Variants in PDK1 observed in about 807,000 individuals in gnomAD.
The protein encoded by PDK1 is pyruvate dehydrogenase kinase 1.
Under a neutral mutation model 54.2 loss-of-function variants are expected in PDK1, and 39 were observed. The observed-to-expected ratio is 0.72, with a 90% CI of 0.56 to 0.94. The LOEUF (loss-of-function observed/expected upper bound fraction) is 0.94, where lower values mean the gene tolerates loss of function less well. PDK1 is among the 40% of genes least tolerant of loss of function. PDK1 has a pLI of 0.00. For missense variants in PDK1, 552 were observed against 566.0 expected (o/e 0.98, Z 0.25); for synonymous variants, 221 against 207.1 (o/e 1.07, Z -0.58).
rs2149231452 is a variant in PDK1 at position 172,570,841 on chromosome 2, G to T, written c.945+17G>T. On this transcript the variant is annotated intron_variant, in intron 8 of 10. Transcript: ENST00000282077. ...ACTGTGAAGGTAAATGTGTTTAATG[G>T]TTTGTTTTCTTTTTTTTTTTTTTGT... The T allele has an allele frequency of 1.4e-6, 2 of 1,429,090 alleles. No homozygotes were observed. The highest frequency in any genetic ancestry group is 1.9e-6 in the Non-Finnish European group (2 of 1,029,158). The allele number at this position is 1,429,090 out of a possible 1,614,324, so 88.5% of individuals were successfully genotyped here.
chr2:172,624,540 GA>G, the PDK1 span, among the ~76,000 whole-genome samples: 2,468 of 152,242 alleles, frequency 0.016, 69 homozygotes, highest in African/African-American at 0.057. Context: ...ACCATCCATG[GA>G]AAAATTGTCT....
intron 2 of PDK1, among the ~76,000 whole-genome samples, chr2:172,559,287 G>T (rs1025467775): frequency 6.6e-6 from 1 of 152,062 alleles, no homozygotes; most frequent in Admixed American, 6.5e-5. Context: ...TTTGGCTGGG[G>T]GCAGGTGGGG....
At chr2:172,593,175 T>C (rs2290564) in intron 10 of PDK1, 127 bp downstream of exon 10, 79,148 of 483,156 alleles carry the variant, frequency 0.16, 8,918 homozygotes, top group African/African-American at 0.42. Flanking sequence ...GGTTTTTTGC[T>C]GGGGATCTCA....
At chr2:172,713,448 C>T in the PDK1 span, among the ~76,000 whole-genome samples, 1 of 152,176 alleles carries the variant, frequency 6.6e-6, no homozygotes, top group African/African-American at 2.4e-5. Flanking sequence ...TGAGGGATGC[C>T]TCCAGGCCCG....
At chr2:172,699,149 C>T in the PDK1 span, among the ~76,000 whole-genome samples, 1 of 152,286 alleles carries the variant, frequency 6.6e-6, no homozygotes, top group Middle Eastern at 3.4e-3. Context: ...TAATAGCAAA[C>T]TTTCATTTCT....
At chr2:172,688,992 G>C in the PDK1 span, among the ~76,000 whole-genome samples, 16 of 152,184 alleles carry the variant, frequency 1.1e-4, no homozygotes, top group Non-Finnish European at 1.9e-4. Context: ...GTGAGCAGCA[G>C]CAAGATTTAT....
the PDK1 span, among the ~76,000 whole-genome samples, chr2:172,722,585 G>T: frequency 1.3e-5 from 2 of 152,182 alleles, no homozygotes; most frequent in African/African-American, 2.4e-5. Flanking sequence ...TGCTTGTAGT[G>T]CTGTGTTGGG....
At chr2:172,560,167 T>C (rs1322940034) in intron 2 of PDK1, among the ~76,000 whole-genome samples, 1 of 152,198 alleles carries the variant, frequency 6.6e-6, no homozygotes, top group Non-Finnish European at 1.5e-5. Flanking sequence ...TTTAAATTAA[T>C]TTATTTTCTT....
chr2:172,620,276 T>C, the PDK1 span, among the ~76,000 whole-genome samples: 1 of 152,176 alleles, frequency 6.6e-6, no homozygotes, highest in East Asian at 1.9e-4. Context: ...TCTCCTAAAA[T>C]ATCATGAATA....
At chr2:172,665,142 G>A in the PDK1 span, among the ~76,000 whole-genome samples, 1 of 149,442 alleles carries the variant, frequency 6.7e-6, no homozygotes, top group Non-Finnish European at 1.5e-5. Flanking sequence ...TTCCCACCTA[G>A]TGCCAAAGAA....
chr2:172,645,047 G>A, the PDK1 span, among the ~76,000 whole-genome samples: 2 of 151,990 alleles, frequency 1.3e-5, no homozygotes, highest in Non-Finnish European at 2.9e-5. Flanking sequence ...CTCATACCAT[G>A]GGAGACTCAA....
intron 8 of PDK1, among the ~76,000 whole-genome samples, chr2:172,581,387 A>T (rs10930564): frequency 0.033 from 4,998 of 152,296 alleles, 174 homozygotes; most frequent in East Asian, 0.17. Context: ...CACTGCGTCC[A>T]GCCTGCTATG....
At chr2:172,620,077 A>G in the PDK1 span, among the ~76,000 whole-genome samples, 1 of 152,184 alleles carries the variant, frequency 6.6e-6, no homozygotes, top group Non-Finnish European at 1.5e-5. Context: ...GAGGCAGGAG[A>G]ATTGCTTGAG....
At chr2:172,591,329 A>G (rs1249141491) in intron 9 of PDK1, among the ~76,000 whole-genome samples, 1 of 152,192 alleles carries the variant, frequency 6.6e-6, no homozygotes, top group East Asian at 1.9e-4. Flanking sequence ...TTTTCCTGTA[A>G]ACGCCGGGCG....
upstream of PDK1, chr2:172,555,838 C>A (rs1308893453): frequency 1.9e-5 from 5 of 260,706 alleles, no homozygotes; most frequent in East Asian, 7.3e-5. Flanking sequence ...CCCCACACCT[C>A]GCCGGCTGGG....
the PDK1 span, among the ~76,000 whole-genome samples, chr2:172,685,391 C>T: frequency 6.6e-6 from 1 of 152,154 alleles, no homozygotes; most frequent in African/African-American, 2.4e-5. Context: ...CTGAGGCTGG[C>T]CTTCAAGGCT....
At chr2:172,660,247 CTTTTTT>C in the PDK1 span, among the ~76,000 whole-genome samples, 7 of 44,232 alleles carry the variant, frequency 1.6e-4, no homozygotes, top group African/African-American at 5.8e-4. Context: ...CTCTCTCTCT[CTTTTTT>C]TTTTTTTTTT....
chr2:172,647,257 G>A, the PDK1 span, among the ~76,000 whole-genome samples: 3 of 152,072 alleles, frequency 2.0e-5, no homozygotes, highest in African/African-American at 4.8e-5. Context: ...TCAGAGTCTC[G>A]GGAGGGGGCG....
chr2:172,568,718 T>C, intron 6 of PDK1, 23 bp from the exon 7 acceptor site: 1 of 1,457,266 alleles, frequency 6.9e-7, no homozygotes, highest in Non-Finnish European at 9.6e-7. Context: ...TGTACTTTCA[T>C]ATTTTTCTCT....
Sources: allele counts gnomAD v4.1 joint callset (sites outside exome capture counted in the v4.1 genomes callset), GRCh38; gene constraint gnomAD v4.1.1; transcripts MANE v1.5; gene names NCBI Gene and HGNC (gene_info 2026-07-23, HGNC 2026-07-21).